The following LRP1B variants were observed in gnomAD, a reference collection of about 807,000 sequenced individuals.
LRP1B encodes the protein low-density lipoprotein receptor-related protein 1B.
In LRP1B, 217 loss-of-function variants were observed where a neutral mutation model predicts 556.6. The observed-to-expected ratio is 0.39, with a 90% CI of 0.35 to 0.44. The LOEUF (loss-of-function observed/expected upper bound fraction) is 0.44. Ranked by LOEUF, LRP1B falls within the 20% of genes least tolerant of loss-of-function variation. LRP1B has a pLI of 1.00. For missense variants in LRP1B, 5,053 were observed against 5,620.8 expected (o/e 0.90, Z 3.23); for synonymous variants, 2,047 against 1,865.8 (o/e 1.10, Z -2.50).
At chr2:141,321,641 G>A (rs1156401861) in intron 3 of LRP1B, among the ~76,000 whole-genome samples, 1 of 152,026 alleles carries the variant, frequency 6.6e-6, no homozygotes, top group African/African-American at 2.4e-5. Flanking sequence ...GTAAAATCCA[G>A]CAATAGATTA....
intron 3 of LRP1B, among the ~76,000 whole-genome samples, chr2:141,398,223 C>T (rs148280076): frequency 0.02 from 3,033 of 152,132 alleles, 110 homozygotes; most frequent in African/African-American, 0.07. Context: ...ATCAACTCAG[C>T]AAATAATATT....
intron 14 of LRP1B, among the ~76,000 whole-genome samples, chr2:141,010,127 A>G (rs1697698158): frequency 6.6e-6 from 1 of 152,108 alleles, no homozygotes; most frequent in Non-Finnish European, 1.5e-5. Context: ...TCTATTTGTC[A>G]TAAAATAATA....
At chr2:141,544,296 C>CTCTTCTTCTTCTTCTTCTTCT (rs1175616888) in intron 2 of LRP1B, among the ~76,000 whole-genome samples, 20 of 78,346 alleles carry the variant, frequency 2.6e-4, no homozygotes, top group African/African-American at 9.8e-4. Context: ...AAATTTACCA[C>CTCTTCTTCTTCTTCTTCTTCT]TCTTCTTCTT....
At chr2:141,544,334 C>CCTCTTCTTCTTCTTCTTCTTCTT in intron 2 of LRP1B, among the ~76,000 whole-genome samples, 1 of 66,446 alleles carries the variant, frequency 1.5e-5, no homozygotes, top group African/African-American at 5.6e-5. Context: ...TCTTCTTCTT[C>CCTCTTCTTCTTCTTCTTCTTCTT]TTCTTCTTCT....
intron 32 of LRP1B, among the ~76,000 whole-genome samples, chr2:140,792,259 C>T (rs1032819441): frequency 6.6e-6 from 1 of 152,054 alleles, no homozygotes; most frequent in Non-Finnish European, 1.5e-5. Flanking sequence ...ATATCGTATG[C>T]CTTTTCTCCT....
intron 7 of LRP1B, among the ~76,000 whole-genome samples, chr2:141,108,274 A>T (rs2104957824): frequency 6.6e-6 from 1 of 151,998 alleles, no homozygotes; most frequent in South Asian, 2.1e-4. Context: ...GGTACAAGGT[A>T]CAAGTTTAAT....
chr2:140,530,770 A>T (rs941776306), intron 47 of LRP1B, among the ~76,000 whole-genome samples: 5 of 152,102 alleles, frequency 3.3e-5, no homozygotes, highest in African/African-American at 4.8e-5. Context: ...TTGCTTGTTT[A>T]TTTTTAAGAT....
chr2:140,333,512 T>A (rs559271033), intron 79 of LRP1B, among the ~76,000 whole-genome samples: 50 of 152,032 alleles, frequency 3.3e-4, no homozygotes, highest in African/African-American at 1.1e-3. Flanking sequence ...ATTTCAAATA[T>A]TGCTTCTCCC....
chr2:141,909,637 G>T (rs771413993), intron 1 of LRP1B, among the ~76,000 whole-genome samples: 3 of 147,496 alleles, frequency 2.0e-5, no homozygotes, highest in Non-Finnish European at 3.0e-5. Flanking sequence ...GTGCTCACCA[G>T]TGGAGCCATA....
At chr2:140,568,296 A>G (rs1389574132) in intron 43 of LRP1B, among the ~76,000 whole-genome samples, 1 of 151,970 alleles carries the variant, frequency 6.6e-6, no homozygotes, top group East Asian at 1.9e-4. Context: ...AAATATCATA[A>G]AAAGAACCAA....
chr2:141,449,276 A>C (rs1681316653), intron 3 of LRP1B, among the ~76,000 whole-genome samples: 1 of 152,226 alleles, frequency 6.6e-6, no homozygotes, highest in South Asian at 2.1e-4. Flanking sequence ...ATCTTCCAGC[A>C]TGTAATTTCA....
chr2:141,044,998 T>G (rs1698824404), intron 11 of LRP1B, among the ~76,000 whole-genome samples: 1 of 151,656 alleles, frequency 6.6e-6, no homozygotes, highest in Admixed American at 6.6e-5. Flanking sequence ...TTATTCATGA[T>G]AGCAAAGACT....
chr2:140,802,962 A>G (rs908695560), intron 32 of LRP1B, among the ~76,000 whole-genome samples: 1 of 152,130 alleles, frequency 6.6e-6, no homozygotes, highest in Non-Finnish European at 1.5e-5. Flanking sequence ...TGACTCTTAC[A>G]TTCACGTGCT....
At chr2:140,792,253 C>T (rs922108406) in intron 32 of LRP1B, among the ~76,000 whole-genome samples, 2 of 151,970 alleles carry the variant, frequency 1.3e-5, no homozygotes, top group African/African-American at 2.4e-5. Context: ...TAATAAATAT[C>T]GTATGCCTTT....
At chr2:140,718,452 A>G (rs1049503731) in intron 35 of LRP1B, among the ~76,000 whole-genome samples, 3 of 152,074 alleles carry the variant, frequency 2.0e-5, no homozygotes, top group African/African-American at 7.2e-5. Flanking sequence ...TTATGTTGTA[A>G]CTAAACCAAT....
At chr2:141,850,835 T>C (rs1697826534) in intron 1 of LRP1B, among the ~76,000 whole-genome samples, 1 of 151,674 alleles carries the variant, frequency 6.6e-6, no homozygotes, top group Non-Finnish European at 1.5e-5. Context: ...TATTCTTATT[T>C]GATGAGTCTG....
chr2:141,890,767 C>T (rs1184507506), intron 1 of LRP1B, among the ~76,000 whole-genome samples: 1 of 151,992 alleles, frequency 6.6e-6, no homozygotes, highest in Non-Finnish European at 1.5e-5. Flanking sequence ...ATATCCTTAC[C>T]TTTTGCTTGT....
At chr2:140,461,957 A>G (rs545430316) in intron 60 of LRP1B, among the ~76,000 whole-genome samples, 104 of 152,368 alleles carry the variant, frequency 6.8e-4, no homozygotes, top group Non-Finnish European at 1.3e-3. Context: ...AAGTTTACAG[A>G]GTAACATGAG....
At chr2:142,120,736 T>C (rs1032910433) in intron 1 of LRP1B, among the ~76,000 whole-genome samples, 6 of 152,204 alleles carry the variant, frequency 3.9e-5, no homozygotes, top group Non-Finnish European at 8.8e-5. Context: ...AAAACATTGC[T>C]AAGTGTATCA....
Sources: allele counts gnomAD v4.1 joint callset (sites outside exome capture counted in the v4.1 genomes callset), GRCh38; gene constraint gnomAD v4.1.1; transcripts MANE v1.5; gene names NCBI Gene and HGNC (gene_info 2026-07-23, HGNC 2026-07-21).